Variants in DOCK3 observed in about 807,000 individuals in gnomAD.
The protein encoded by DOCK3 is dedicator of cytokinesis protein 3.
Under a neutral mutation model 265.6 loss-of-function variants are expected in DOCK3, and 60 were observed. The ratio of observed to expected loss-of-function variants is 0.23; its 90% confidence interval spans 0.18 to 0.28. The LOEUF (loss-of-function observed/expected upper bound fraction) is 0.28. Ranked by LOEUF, DOCK3 falls within the 10% of genes least tolerant of loss-of-function variation. The pLI is 1.00. For missense variants in DOCK3, 1,981 were observed against 2,594.3 expected (o/e 0.76, Z 5.14); for synonymous variants, 881 against 938.0 (o/e 0.94, Z 1.11).
chr3:51,342,794 G>A (rs1044839194), intron 38 of DOCK3, among the ~76,000 whole-genome samples: 1 of 152,152 alleles, frequency 6.6e-6, no homozygotes, highest in Non-Finnish European at 1.5e-5. Flanking sequence ...TACTGTAGAT[G>A]GACAAGAAGG....
At chr3:50,698,961 T>G (rs2035848808) in intron 1 of DOCK3, among the ~76,000 whole-genome samples, 1 of 152,202 alleles carries the variant, frequency 6.6e-6, no homozygotes, top group African/African-American at 2.4e-5. Flanking sequence ...GCTTTTTCAC[T>G]TCGTTGGTAG....
intron 9 of DOCK3, among the ~76,000 whole-genome samples, chr3:51,091,276 C>G (rs763620823): frequency 2.0e-5 from 3 of 152,148 alleles, no homozygotes; most frequent in Non-Finnish European, 2.9e-5. Context: ...TTCCTACTAT[C>G]CAGATGTTTG....
chr3:51,350,839 G>A (rs747583886), intron 40 of DOCK3, among the ~76,000 whole-genome samples: 2 of 152,196 alleles, frequency 1.3e-5, no homozygotes, highest in African/African-American at 4.8e-5. Context: ...ACTGTAGCCT[G>A]TGCAGCCAGG....
chr3:51,139,957 G>C (rs1216635593), intron 9 of DOCK3, among the ~76,000 whole-genome samples: 1 of 152,220 alleles, frequency 6.6e-6, no homozygotes, highest in Non-Finnish European at 1.5e-5. Context: ...AAAGGCTCAT[G>C]TGAGATGAGA....
At chr3:50,682,208 A>G (rs774914668) in intron 1 of DOCK3, among the ~76,000 whole-genome samples, 4 of 152,222 alleles carry the variant, frequency 2.6e-5, no homozygotes, top group South Asian at 2.1e-4. Flanking sequence ...CTTTCATGTT[A>G]TGGTTCAAAT....
At chr3:51,271,076 C>A in intron 24 of DOCK3, 69 bp downstream of exon 24, 1 of 1,476,444 alleles carries the variant, frequency 6.8e-7, no homozygotes, top group Non-Finnish European at 9.2e-7. Context: ...GGGGTGATAG[C>A]AAAGTGATAA....
chr3:50,684,264 C>T (rs529633776), intron 1 of DOCK3, among the ~76,000 whole-genome samples: 2 of 152,216 alleles, frequency 1.3e-5, no homozygotes, highest in Non-Finnish European at 2.9e-5. Context: ...GCCTCAGGGA[C>T]TGAGTTTCTT....
intron 27 of DOCK3, 107 bp downstream of exon 27, chr3:51,280,311 G>C (rs930454938): frequency 3.3e-5 from 35 of 1,051,022 alleles, no homozygotes; most frequent in Non-Finnish European, 4.8e-5. Flanking sequence ...GCATTGCCAC[G>C]GGTGTAGGAT....
intron 9 of DOCK3, among the ~76,000 whole-genome samples, chr3:51,099,534 G>A (rs1382396241): frequency 6.6e-6 from 1 of 152,120 alleles, no homozygotes; most frequent in Non-Finnish European, 1.5e-5. Context: ...AATGACTGAT[G>A]CGTCTCACAT....
intron 49 of DOCK3, among the ~76,000 whole-genome samples, chr3:51,369,431 A>G (rs111614418): frequency 0.17 from 25,332 of 152,254 alleles, 2,510 homozygotes; most frequent in South Asian, 0.35. Context: ...ATCAACTGGA[A>G]GAAAGGGTAT....
At chr3:50,738,281 T>C (rs1220818094) in intron 1 of DOCK3, among the ~76,000 whole-genome samples, 1 of 152,132 alleles carries the variant, frequency 6.6e-6, no homozygotes, top group African/African-American at 2.4e-5. Context: ...GAAGTCAGCC[T>C]GGTGCTGGAG....
intron 5 of DOCK3, among the ~76,000 whole-genome samples, chr3:51,043,074 C>A (rs1436085005): frequency 6.6e-6 from 1 of 152,166 alleles, no homozygotes; most frequent in African/African-American, 2.4e-5. Flanking sequence ...ACATTCTTTA[C>A]AGAACTAGAA....
chr3:50,884,471 A>G (rs1287171901), intron 3 of DOCK3, among the ~76,000 whole-genome samples: 2 of 152,186 alleles, frequency 1.3e-5, no homozygotes, highest in Non-Finnish European at 2.9e-5. Flanking sequence ...GCTTTTGGCT[A>G]TTGTAACTGG....
At chr3:50,727,260 A>C (rs1188903752) in intron 1 of DOCK3, among the ~76,000 whole-genome samples, 4 of 152,380 alleles carry the variant, frequency 2.6e-5, no homozygotes, top group Admixed American at 2.6e-4. Context: ...AGATGAAGAC[A>C]TAGAAAGGTT....
intron 19 of DOCK3, among the ~76,000 whole-genome samples, chr3:51,230,538 G>A (rs900038353): frequency 1.3e-5 from 2 of 151,950 alleles, no homozygotes; most frequent in Admixed American, 6.6e-5. Flanking sequence ...GTTTTTTTGA[G>A]ACAGAGTCTC....
chr3:51,312,710 C>T, intron 30 of DOCK3, 134 bp downstream of exon 30: 3 of 1,237,300 alleles, frequency 2.4e-6, no homozygotes, highest in East Asian at 2.5e-5. Flanking sequence ...GGAGTTCAGT[C>T]GAGAGCCCAA....
At chr3:51,164,857 T>C (rs2086309511) in intron 12 of DOCK3, among the ~76,000 whole-genome samples, 1 of 152,108 alleles carries the variant, frequency 6.6e-6, no homozygotes, top group Admixed American at 6.5e-5. Context: ...TATTCAGGCA[T>C]TTTTTGAGAA....
intron 5 of DOCK3, among the ~76,000 whole-genome samples, chr3:50,990,070 G>A (rs893497012): frequency 6.6e-6 from 1 of 152,022 alleles, no homozygotes; most frequent in Non-Finnish European, 1.5e-5. Flanking sequence ...TTTAAAGACT[G>A]GTTCTCTGAA....
At chr3:50,764,816 A>G (rs1024411814) in intron 1 of DOCK3, among the ~76,000 whole-genome samples, 3 of 152,140 alleles carry the variant, frequency 2.0e-5, no homozygotes, top group Non-Finnish European at 4.4e-5. Context: ...GAGTTAGTGT[A>G]TCTTCTTCCT....
Sources: gnomAD v4.1 joint callset for allele counts (sites outside exome capture counted in the v4.1 genomes callset) on GRCh38, gnomAD v4.1.1 for gene constraint, MANE v1.5 for transcripts, NCBI Gene and HGNC (gene_info 2026-07-23, HGNC 2026-07-21) for gene names.